The following ACKR3 variants were observed in gnomAD, a reference collection of about 807,000 sequenced individuals.
ACKR3 encodes the protein atypical chemokine receptor 3, also known as C-X-C chemokine receptor type 7.
In ACKR3, 6 loss-of-function variants were observed where a neutral mutation model predicts 22.4. The ratio of observed to expected loss-of-function variants is 0.27; its 90% CI spans 0.15 to 0.53. The LOEUF is 0.53. ACKR3 is among the 20% of genes least tolerant of loss of function. ACKR3 has a pLI of 0.96. For synonymous variants in ACKR3, 209 were observed against 205.2 expected, an observed-to-expected ratio of 1.02 and a Z score of -0.16; for missense variants, 396 against 475.2, an observed-to-expected ratio of 0.83 and a Z score of 1.55.
chr2:236,553,545 A>G, the ACKR3 span, among the ~76,000 whole-genome samples: 1 of 152,272 alleles, frequency 6.6e-6, no homozygotes, highest in Non-Finnish European at 1.5e-5. Flanking sequence ...TGCTTGGAAC[A>G]GGATCACAAA....
chr2:236,546,443 A>C, the ACKR3 span, among the ~76,000 whole-genome samples: 1 of 152,178 alleles, frequency 6.6e-6, no homozygotes, highest in African/African-American at 2.4e-5. This position sits in a 1 kb window ranked among gnomAD's most constrained non-coding sequence, Gnocchi z 4.9. Context: ...TTCCACTATA[A>C]ATTTAATAAA....
the ACKR3 span, among the ~76,000 whole-genome samples, chr2:236,552,007 C>G: frequency 6.6e-6 from 1 of 151,070 alleles, no homozygotes; most frequent in Admixed American, 6.6e-5. Context: ...TCGGGCCTGG[C>G]TTCTTCTCTT....
chr2:236,576,227 T>A (rs1259391817), intron 1 of ACKR3, among the ~76,000 whole-genome samples: 1 of 152,234 alleles, frequency 6.6e-6, no homozygotes, highest in African/African-American at 2.4e-5. Flanking sequence ...TCAGGCCCTG[T>A]GGCTATCGGC....
chr2:236,581,210 A>G lies in ACKR3; in HGVS notation c.745A>G (p.Ser249Gly), dbSNP rs1358449028. 1 of 1,613,868 alleles carries G rather than the reference A, an allele frequency of 6.2e-7. No individual in the cohort carries two copies. The highest frequency in any genetic ancestry group is 1.7e-5 in the Admixed American group (1 of 60,020). Residue 249 changes from serine (S) to glycine (G), a missense_variant, in exon 2 of 2, where the codon AGC (serine) becomes GGC (glycine). Ser to Gly is a moderately conservative substitution (Grantham distance 56). Coordinates refer to ENST00000272928, the MANE Select transcript of ACKR3 (RefSeq NM_020311.3). This position sits in a 1 kb window ranked among gnomAD's most constrained non-coding sequence, Gnocchi z 4.4. Reference sequence around the variant, plus strand: ...GGCGTCCAGTGACCAGGAGAAGCACAGCAGCCGGAAGATCATCTTCTCCTA... The same window carrying G: ...GGCGTCCAGTGACCAGGAGAAGCACGGCAGCCGGAAGATCATCTTCTCCTA... ...ISASSDQEKH[S>G]SRKIIFSYVV... is the part of the protein sequence containing the mutation.
chr2:236,578,791 C>T (rs1231843529), intron 1 of ACKR3, among the ~76,000 whole-genome samples: 1 of 152,186 alleles, frequency 6.6e-6, no homozygotes, highest in African/African-American at 2.4e-5. Flanking sequence ...GCGAGCTCCC[C>T]CGGGGGCATT....
At chr2:236,546,564 G>A in the ACKR3 span, among the ~76,000 whole-genome samples, 3 of 152,202 alleles carry the variant, frequency 2.0e-5, no homozygotes, top group Non-Finnish European at 4.4e-5. This position sits in a 1 kb window ranked among gnomAD's most constrained non-coding sequence, Gnocchi z 4.9. Flanking sequence ...GCCAGTCACC[G>A]TGGAGAGGGC....
chr2:236,571,504 C>T (rs184015540), intron 1 of ACKR3, among the ~76,000 whole-genome samples: 117 of 151,898 alleles, frequency 7.7e-4, no homozygotes, highest in Non-Finnish European at 5.6e-4. Context: ...GTGCGACACA[C>T]GCAGGGCTTT....
At chr2:236,552,472 T>C in the ACKR3 span, among the ~76,000 whole-genome samples, 6 of 152,202 alleles carry the variant, frequency 3.9e-5, no homozygotes, top group Admixed American at 1.3e-4. Flanking sequence ...CTCCCAGTCT[T>C]TCCCCCCTCC....
intron 1 of ACKR3, among the ~76,000 whole-genome samples, chr2:236,576,100 A>G (rs950332909): frequency 2.6e-5 from 4 of 152,292 alleles, no homozygotes; most frequent in African/African-American, 9.6e-5. Context: ...CTAGAGACGC[A>G]GGCAGTGGGC....
chr2:236,547,979 T>A, the ACKR3 span, among the ~76,000 whole-genome samples: 10 of 152,202 alleles, frequency 6.6e-5, no homozygotes, highest in African/African-American at 2.4e-4. Context: ...CTGATTGTTG[T>A]GTCATCCCAT....
the ACKR3 span, among the ~76,000 whole-genome samples, chr2:236,547,632 C>T: frequency 6.6e-6 from 1 of 152,120 alleles, no homozygotes; most frequent in Non-Finnish European, 1.5e-5. Context: ...TAAATTTTTG[C>T]ACTCATTCTT....
At chr2:236,552,702 G>T in the ACKR3 span, among the ~76,000 whole-genome samples, 3 of 152,206 alleles carry the variant, frequency 2.0e-5, no homozygotes, top group Non-Finnish European at 1.5e-5. Context: ...GGCATGCTCT[G>T]CGTGTAGGAA....
the ACKR3 span, among the ~76,000 whole-genome samples, chr2:236,538,820 G>T: frequency 6.6e-6 from 1 of 152,130 alleles, no homozygotes; most frequent in African/African-American, 2.4e-5. Context: ...ATATTGCTTG[G>T]GATATTCTTA....
rs1226572921 is a variant in ACKR3 at position 236,580,843 on chromosome 2, C to A, written c.378C>A (p.Ile126=). The A allele has an allele frequency of 6.2e-7, 1 of 1,614,136 alleles. No individual in the cohort carries two copies. Among genetic ancestry groups the A allele is most frequent in the Non-Finnish European group, 8.5e-7 (1 of 1,180,058 alleles). ...TCKVTHLIFS[I]NLFGSIFFLT... is the part of the protein sequence containing the mutation. Reference sequence around the variant, plus strand: ...AAGTCACACACCTCATCTTCTCCATCAACCTCTTCGGCAGCATTTTCTTCC... The same window carrying A: ...AAGTCACACACCTCATCTTCTCCATAAACCTCTTCGGCAGCATTTTCTTCC... The change falls in exon 2 of 2, where the codon ATC becomes ATA. Residue 126 remains isoleucine, a synonymous_variant. Transcript: ENST00000272928.
intron 1 of ACKR3, among the ~76,000 whole-genome samples, chr2:236,571,578 T>C (rs1371879907): frequency 7.7e-6 from 1 of 129,412 alleles, no homozygotes; most frequent in Non-Finnish European, 1.5e-5. Context: ...TTATGATTTC[T>C]AATCAGGCCC....
chr2:236,576,242 C>G (rs1691409632), intron 1 of ACKR3, among the ~76,000 whole-genome samples: 1 of 152,228 alleles, frequency 6.6e-6, no homozygotes, highest in African/African-American at 2.4e-5. Flanking sequence ...ATCGGCCTTC[C>G]CAACTTCCCA....
At chr2:236,557,871 G>A in the ACKR3 span, among the ~76,000 whole-genome samples, 1 of 152,114 alleles carries the variant, frequency 6.6e-6, no homozygotes, top group Non-Finnish European at 1.5e-5. Context: ...CCAGAAACGT[G>A]AGACCTGAAT....
Position 236,580,956 on chromosome 2 carries a change from T to C in ACKR3, c.491T>C (p.Val164Ala). The change falls in exon 2 of 2, where the codon GTC (valine) becomes GCC (alanine). Residue 164 changes from valine to alanine, a missense_variant. Coordinates refer to ENST00000272928, the MANE Select transcript of ACKR3 (RefSeq NM_020311.3). ...AGGAAGAAGATGGTACGCCGTGTCG[T>C]CTGCATCCTGGTGTGGCTGCTGGCC... Reference protein sequence around the residue: ...SSRKKMVRRVVCILVWLLAFC... With the variant: ...SSRKKMVRRVACILVWLLAFC... 1 of 1,614,178 alleles carries C rather than the reference T, an allele frequency of 6.2e-7. No individual in the cohort carries two copies.
At chr2:236,575,120 G>A (rs1691381005) in intron 1 of ACKR3, among the ~76,000 whole-genome samples, 1 of 152,072 alleles carries the variant, frequency 6.6e-6, no homozygotes, top group East Asian at 1.9e-4. Context: ...CTGTGGTCCA[G>A]GAAAATGCAA....
Sources: allele counts gnomAD v4.1 joint callset (sites outside exome capture counted in the v4.1 genomes callset), GRCh38; gene constraint gnomAD v4.1.1; non-coding constraint Gnocchi (gnomAD v3.1); transcripts MANE v1.5; gene names NCBI Gene and HGNC (gene_info 2026-07-23, HGNC 2026-07-21).